The following KAZN variants were observed in gnomAD, a reference collection of about 807,000 sequenced individuals.
The protein encoded by KAZN is kazrin.
Under a neutral mutation model 87.4 loss-of-function variants are expected in KAZN, and 40 were observed. That is an observed-to-expected ratio of 0.46 (90% confidence interval 0.36 to 0.60). KAZN has a LOEUF of 0.60. Ranked by LOEUF, KAZN falls within the 20% of genes least tolerant of loss-of-function variation. The probability of loss-of-function intolerance (pLI) is 0.00; values close to 1 mark genes in which losing one functional copy is unlikely to be tolerated. For synonymous variants in KAZN, 466 were observed against 458.3 expected (o/e 1.02, Z -0.22); for missense variants, 898 against 1,073.9 (o/e 0.84, Z 2.29).
chr1:14,785,014 G>T (rs368165959), intron 1 of KAZN, among the ~76,000 whole-genome samples: 2 of 151,436 alleles, frequency 1.3e-5, no homozygotes, highest in Non-Finnish European at 2.9e-5. Flanking sequence ...TAATGCCTCG[G>T]GGGTACTTTG....
intron 1 of KAZN, among the ~76,000 whole-genome samples, chr1:14,781,038 C>G (rs149869832): frequency 0.014 from 2,201 of 152,184 alleles, 59 homozygotes; most frequent in Admixed American, 0.067. Flanking sequence ...AGGCAAGAAA[C>G]TTGGCCGGGC....
At chr1:14,833,548 G>A (rs1221021324) in intron 1 of KAZN, among the ~76,000 whole-genome samples, 3 of 152,222 alleles carry the variant, frequency 2.0e-5, no homozygotes, top group Admixed American at 6.5e-5. Context: ...CAAGGGGCAG[G>A]GAAAGTAGGG....
chr1:15,103,272 GA>G (rs1641150261), intron 11 of KAZN, 86 bp from the exon 12 acceptor site: 25 of 950,778 alleles, frequency 2.6e-5, no homozygotes, highest in Non-Finnish European at 3.2e-5. Flanking sequence ...GTCTCGGGGG[GA>G]AAAAGAGATG....
chr1:14,708,808 G>T (rs1333981762), intron 1 of KAZN, among the ~76,000 whole-genome samples: 2 of 152,222 alleles, frequency 1.3e-5, no homozygotes, highest in African/African-American at 4.8e-5. Flanking sequence ...TTTTGGCCCT[G>T]CAGTGTTGGG....
intron 2 of KAZN, among the ~76,000 whole-genome samples, chr1:14,975,697 T>C (rs1329158976): frequency 6.6e-6 from 1 of 152,048 alleles, no homozygotes; most frequent in Non-Finnish European, 1.5e-5. Flanking sequence ...CATGAAAAGA[T>C]TGAGGCCCAG....
At chr1:14,589,027 C>T (rs543376392) in intron 2 of KAZN, among the ~76,000 whole-genome samples, 2 of 152,276 alleles carry the variant, frequency 1.3e-5, no homozygotes, top group African/African-American at 4.8e-5. Flanking sequence ...GAAGGGCAAA[C>T]TTGAGCCCCT....
intron 2 of KAZN, among the ~76,000 whole-genome samples, chr1:14,550,897 A>G (rs1673476914): frequency 6.7e-6 from 1 of 148,824 alleles, no homozygotes; most frequent in African/African-American, 2.5e-5. Flanking sequence ...AACCACCCCC[A>G]TCCCCAGCTC....
intron 2 of KAZN, among the ~76,000 whole-genome samples, chr1:15,002,523 G>C (rs1480787193): frequency 6.6e-6 from 1 of 152,174 alleles, no homozygotes; most frequent in Non-Finnish European, 1.5e-5. Flanking sequence ...CTTGGCCAGT[G>C]ACTCTCTGAA....
chr1:14,283,947 C>T (rs980865937), intron 2 of KAZN, among the ~76,000 whole-genome samples: 1 of 152,126 alleles, frequency 6.6e-6, no homozygotes, highest in Non-Finnish European at 1.5e-5. Context: ...TACTGATACA[C>T]CCTACAATGT....
chr1:14,980,462 CGTT>C (rs942907731), intron 2 of KAZN, among the ~76,000 whole-genome samples: 47 of 152,218 alleles, frequency 3.1e-4, no homozygotes, highest in African/African-American at 1.1e-3. Context: ...GCAGGCTGGA[CGTT>C]CGTGCTACGC....
At chr1:14,366,766 ACTCT>A (rs1384399134) in intron 2 of KAZN, among the ~76,000 whole-genome samples, 1 of 152,106 alleles carries the variant, frequency 6.6e-6, no homozygotes, top group African/African-American at 2.4e-5. Context: ...AGCTCAGTAG[ACTCT>A]CTGCCTTTTC....
At chr1:14,491,164 A>C (rs1478321733) in intron 2 of KAZN, among the ~76,000 whole-genome samples, 2 of 152,216 alleles carry the variant, frequency 1.3e-5, no homozygotes, top group African/African-American at 2.4e-5. Context: ...ATTGCAATTA[A>C]GAAAGTGGTT....
chr1:14,408,928 G>T (rs1357246403), intron 2 of KAZN, among the ~76,000 whole-genome samples: 1 of 152,134 alleles, frequency 6.6e-6, no homozygotes, highest in Non-Finnish European at 1.5e-5. Flanking sequence ...GTTGTTTTAT[G>T]GAGATGGGGT....
At chr1:14,062,482 A>G (rs1400625341) in intron 1 of KAZN, among the ~76,000 whole-genome samples, 14 of 152,172 alleles carry the variant, frequency 9.2e-5, no homozygotes, top group Admixed American at 9.2e-4. Context: ...AACTTTGTTT[A>G]TTCAGGCAAA....
intron 1 of KAZN, among the ~76,000 whole-genome samples, chr1:14,911,424 G>A (rs1212389356): frequency 6.6e-6 from 1 of 152,236 alleles, no homozygotes; most frequent in East Asian, 1.9e-4. Context: ...AGTGCCCAGG[G>A]GGCATCCTTG....
intron 2 of KAZN, among the ~76,000 whole-genome samples, chr1:14,248,240 T>C (rs1048207069): frequency 6.6e-6 from 1 of 152,202 alleles, no homozygotes. Flanking sequence ...GAGACATGGA[T>C]TCTAAACTCC....
rs760890393 is a variant in KAZN, at chr1:15,056,254, A to C, written c.890A>C (p.His297Pro). 19 of 1,607,974 alleles carry C rather than the reference A, an allele frequency of 1.2e-5. No homozygotes were observed. Among genetic ancestry groups the C allele is most frequent in the Middle Eastern group, 3.3e-4 (2 of 6,056 alleles). Residue 297 changes from histidine (H) to proline (P), a missense_variant, in exon 5 of 15, where the codon CAC becomes CCC. Around this residue, in one of 3 missense-constraint regions of KAZN, gnomAD observed 521 missense variants for 689.4 expected, o/e 0.76. Coordinates refer to ENST00000376030, the MANE Select transcript of KAZN (RefSeq NM_201628.3). This position sits in a 1 kb window ranked among gnomAD's most constrained non-coding sequence, Gnocchi z 5.4. ...AGTCAACAGACTCTCTACCACTCACACCCCCCTCACCCTGCGGACCGGCAA... is the reference window on the plus strand; with the variant it reads ...AGTCAACAGACTCTCTACCACTCACCCCCCCCTCACCCTGCGGACCGGCAA... ...RQSQQTLYHSHPPHPADRQAV... is the reference protein window; with the variant it reads ...RQSQQTLYHSPPPHPADRQAV...
At chr1:14,775,005 T>TG (rs910834223) in intron 1 of KAZN, among the ~76,000 whole-genome samples, 1 of 152,148 alleles carries the variant, frequency 6.6e-6, no homozygotes, top group African/African-American at 2.4e-5. Context: ...CTCCCAGGCC[T>TG]GGGAAAGGCA....
At chr1:13,933,376 C>A (rs1640602303) in intron 1 of KAZN, among the ~76,000 whole-genome samples, 1 of 152,086 alleles carries the variant, frequency 6.6e-6, no homozygotes, top group African/African-American at 2.4e-5. Flanking sequence ...ACTGTAATCC[C>A]AGCTACTCGG....
Sources: gnomAD v4.1 joint callset for allele counts (sites outside exome capture counted in the v4.1 genomes callset) on GRCh38, gnomAD v4.1.1 for gene constraint, gnomAD v4.1.1 regional missense constraint, Gnocchi (gnomAD v3.1) non-coding constraint, MANE v1.5 for transcripts, NCBI Gene and HGNC (gene_info 2026-07-23, HGNC 2026-07-21) for gene names.